WWOX: variants seen among roughly 807,000 people sequenced by gnomAD.
WWOX encodes WW domain containing oxidoreductase.
WWOX carries 69 observed loss-of-function variants against 46.2 expected under a neutral mutation model. The ratio of observed to expected loss-of-function variants is 1.49; its 90% CI spans 1.23 to 1.82. WWOX has a LOEUF of 1.82. WWOX is among the 40% of genes most tolerant of loss of function. The pLI is 0.00. For missense variants in WWOX, 919 were observed against 542.6 expected (o/e 1.69, Z -6.89); for synonymous variants, 359 against 202.6 (o/e 1.77, Z -6.56).
chr16:78,979,083 T>A (rs2046629492), intron 8 of WWOX, among the ~76,000 whole-genome samples: 1 of 103,382 alleles, frequency 9.7e-6, no homozygotes, highest in South Asian at 3.6e-4. Context: ...AGAATTTCAG[T>A]CTTTTTTTTT....
At chr16:78,632,671 G>T (rs1447169972) in intron 8 of WWOX, among the ~76,000 whole-genome samples, 1 of 146,330 alleles carries the variant, frequency 6.8e-6, no homozygotes, top group Non-Finnish European at 1.5e-5. Flanking sequence ...GGATTCTCCT[G>T]CCTCAGCCTC....
At chr16:78,595,460 G>T (rs1030725113) in intron 8 of WWOX, among the ~76,000 whole-genome samples, 1 of 152,164 alleles carries the variant, frequency 6.6e-6, no homozygotes, top group East Asian at 1.9e-4. Context: ...CCAAAGATCC[G>T]CCATGTCTTT....
At chr16:78,788,861 G>A (rs369482105) in intron 8 of WWOX, among the ~76,000 whole-genome samples, 2 of 152,204 alleles carry the variant, frequency 1.3e-5, no homozygotes, top group East Asian at 1.9e-4. Flanking sequence ...CTAACTCCAC[G>A]TAGACAGTGT....
At chr16:78,917,344 T>G (rs1444698187) in intron 8 of WWOX, among the ~76,000 whole-genome samples, 1 of 152,194 alleles carries the variant, frequency 6.6e-6, no homozygotes, top group Non-Finnish European at 1.5e-5. Flanking sequence ...CACACTCAAA[T>G]AAACATCCTT....
In WWOX at chr16:78,510,493, G is replaced by T. The variant is rs1014776764; in HGVS notation, c.1056+77741G>T. Among the ~76,000 whole-genome samples, 3 of 152,228 alleles carry T rather than the reference G, an allele frequency of 2.0e-5. No individual in the cohort carries two copies. In the East Asian group the frequency reaches 5.8e-4, roughly 29 times the overall value. ...CTCCCAAAGTGCTGGGATTACAGTC[G>T]TGAGCCACCGTGCCGGCCACTTTCA... On this transcript the variant is annotated intron_variant, in intron 8 of 8. Coordinates refer to ENST00000566780, the MANE Select transcript of WWOX (RefSeq NM_016373.4).
At chr16:79,020,801 G>A (rs1340276464) in intron 8 of WWOX, among the ~76,000 whole-genome samples, 1 of 152,098 alleles carries the variant, frequency 6.6e-6, no homozygotes, top group Non-Finnish European at 1.5e-5. Context: ...TCTCCATTAC[G>A]GAATCTCCCT....
chr16:78,814,471 A>G (rs1230383316), intron 8 of WWOX, among the ~76,000 whole-genome samples: 1 of 140,690 alleles, frequency 7.1e-6, no homozygotes, highest in African/African-American at 2.9e-5. Flanking sequence ...GCCTCTCTTG[A>G]AAAAAAAAAA....
chr16:78,511,382 C>G (rs1169643809), intron 8 of WWOX, among the ~76,000 whole-genome samples: 1 of 152,150 alleles, frequency 6.6e-6, no homozygotes, highest in Non-Finnish European at 1.5e-5. Context: ...ATAATGCACA[C>G]CAGAAACGTC....
intron 8 of WWOX, among the ~76,000 whole-genome samples, chr16:78,452,769 G>C (rs1555542776): frequency 1.3e-5 from 2 of 151,484 alleles, no homozygotes; most frequent in Non-Finnish European, 2.9e-5. Flanking sequence ...GAACCACTGT[G>C]CCTAGCCTTA....
At chr16:79,002,780 G>C (rs1450347275) in intron 8 of WWOX, among the ~76,000 whole-genome samples, 1 of 152,110 alleles carries the variant, frequency 6.6e-6, no homozygotes, top group Non-Finnish European at 1.5e-5. Context: ...GAAAAGACAG[G>C]GTTCACACCA....
chr16:78,526,309 C>T (rs1271089334), intron 8 of WWOX: 1 of 152,430 alleles, frequency 6.6e-6, no homozygotes, highest in East Asian at 1.9e-4. Flanking sequence ...GTCCTGGATC[C>T]TTGCGACCTT....
At position 78,778,255 on chromosome 16, in the gene WWOX, T is replaced by G. The variant is rs74534224; in HGVS notation, c.1056+345503T>G. On this transcript the variant is annotated intron_variant, in intron 8 of 8. Transcript: ENST00000566780. ...ATAACCTCCCATCCCCTGTGTCTCC[T>G]TTGTGGAGCTCTTGGCAATACTCTG... Among the ~76,000 whole-genome samples the G allele has an allele frequency of 9.9e-3, 1,511 of 152,144 alleles. 82 individuals carry two copies. Among genetic ancestry groups the G allele is most frequent in the East Asian group, 0.078 (399 of 5,144 alleles).
chr16:79,085,698 C>CTAGGTA (rs2048841790), intron 8 of WWOX, among the ~76,000 whole-genome samples: 1 of 151,990 alleles, frequency 6.6e-6, no homozygotes, highest in Non-Finnish European at 1.5e-5. Flanking sequence ...ACATTTTATT[C>CTAGGTA]CTTACCAAAA....
intron 5 of WWOX, among the ~76,000 whole-genome samples, chr16:78,312,229 G>A (rs971956979): frequency 9.9e-5 from 15 of 151,308 alleles, no homozygotes; most frequent in Non-Finnish European, 2.1e-4. Flanking sequence ...ATAACCTGGC[G>A]TAGTCTCGAT....
At chr16:78,652,590 T>C (rs1223191154) in intron 8 of WWOX, among the ~76,000 whole-genome samples, 2 of 152,018 alleles carry the variant, frequency 1.3e-5, no homozygotes, top group Admixed American at 1.3e-4. Flanking sequence ...GTGTTCGGGG[T>C]CTCCCTGTGT....
chr16:78,631,018 C>T (rs376633872), intron 8 of WWOX, among the ~76,000 whole-genome samples: 4 of 152,180 alleles, frequency 2.6e-5, no homozygotes, highest in African/African-American at 9.6e-5. Context: ...CCAACATAAC[C>T]ACTATTTATA....
chr16:78,957,602 C>G (rs756653386), intron 8 of WWOX, among the ~76,000 whole-genome samples: 1 of 152,160 alleles, frequency 6.6e-6, no homozygotes, highest in Non-Finnish European at 1.5e-5. Context: ...AGTCACGTTA[C>G]TGAGGTATGT....
At chr16:78,815,940 T>C (rs1049367023) in intron 8 of WWOX, among the ~76,000 whole-genome samples, 2 of 152,170 alleles carry the variant, frequency 1.3e-5, no homozygotes, top group African/African-American at 2.4e-5. Context: ...GGCCCTGCTC[T>C]CTCTCGATGT....
intron 5 of WWOX, among the ~76,000 whole-genome samples, chr16:78,293,494 T>C (rs962294298): frequency 2.0e-5 from 3 of 152,124 alleles, no homozygotes; most frequent in Non-Finnish European, 4.4e-5. Flanking sequence ...TTACGGTGGT[T>C]CTAAGCTCTA....
Sources: allele counts gnomAD v4.1 joint callset (sites outside exome capture counted in the v4.1 genomes callset), GRCh38; gene constraint gnomAD v4.1.1; transcripts MANE v1.5; gene names NCBI Gene and HGNC (gene_info 2026-07-23, HGNC 2026-07-21).